NRXN3: variants seen among roughly 807,000 people sequenced by gnomAD.
The protein encoded by NRXN3 is neurexin 3.
Under a neutral mutation model 137.6 loss-of-function variants are expected in NRXN3, and 32 were observed. That is an observed-to-expected ratio of 0.23 (90% CI 0.18 to 0.31). The LOEUF (loss-of-function observed/expected upper bound fraction) is 0.31. NRXN3 is among the 10% of genes least tolerant of loss of function. NRXN3 has a pLI of 1.00. For missense variants in NRXN3, 1,574 were observed against 2,062.5 expected (o/e 0.76, Z 4.59); for synonymous variants, 798 against 784.5 (o/e 1.02, Z -0.29).
chr14:79,399,722 C>T (rs957204359), intron 15 of NRXN3, among the ~76,000 whole-genome samples: 4 of 152,194 alleles, frequency 2.6e-5, no homozygotes, highest in African/African-American at 4.8e-5. Context: ...TGACCACTTA[C>T]ATTAATTTGC....
chr14:79,630,346 G>A, intron 16 of NRXN3, among the ~76,000 whole-genome samples: 1 of 152,152 alleles, frequency 6.6e-6, no homozygotes, highest in East Asian at 1.9e-4. Flanking sequence ...AAGCTCTAAG[G>A]TTTGGTAACC....
chr14:79,008,281 G>A (rs1361840841), intron 15 of NRXN3, among the ~76,000 whole-genome samples: 1 of 152,104 alleles, frequency 6.6e-6, no homozygotes, highest in Admixed American at 6.5e-5. Flanking sequence ...AAAATTTCAA[G>A]CAAACATAAA....
chr14:79,719,402 G>GTATATATATGTGTGTA (rs5741998), intron 19 of NRXN3, among the ~76,000 whole-genome samples: 38,413 of 141,612 alleles, frequency 0.27, 5,315 homozygotes, highest in Middle Eastern at 0.33. Context: ...ATATATGTGT[G>GTATATATATGTGTGTA]TATATATATA....
chr14:79,342,506 T>C (rs1433140496), intron 15 of NRXN3, among the ~76,000 whole-genome samples: 1 of 152,192 alleles, frequency 6.6e-6, no homozygotes, highest in East Asian at 1.9e-4. Flanking sequence ...ACTTTTTTTT[T>C]TTTTCCTTTG....
intron 4 of NRXN3, among the ~76,000 whole-genome samples, chr14:78,364,075 A>G (rs1567370523): frequency 6.6e-6 from 1 of 152,242 alleles, no homozygotes; most frequent in Non-Finnish European, 1.5e-5. Flanking sequence ...CCTTGTCACC[A>G]GTCATACTGC....
chr14:79,337,607 A>G (rs1329409823), intron 15 of NRXN3, among the ~76,000 whole-genome samples: 1 of 152,248 alleles, frequency 6.6e-6, no homozygotes, highest in Non-Finnish European at 1.5e-5. Flanking sequence ...GTGCCTGGAC[A>G]TATAAAAGAG....
At chr14:79,201,339 A>G (rs972311188) in intron 15 of NRXN3, 4 of 152,200 alleles carry the variant, frequency 2.6e-5, no homozygotes, top group African/African-American at 9.6e-5. Flanking sequence ...CTCAATTCAT[A>G]TTTGCATGAA....
At chr14:78,285,068 C>T (rs776675811) in intron 3 of NRXN3, among the ~76,000 whole-genome samples, 9 of 152,216 alleles carry the variant, frequency 5.9e-5, no homozygotes, top group Non-Finnish European at 1.2e-4. Context: ...TGTAACCTCT[C>T]TGGGCAATAG....
At chr14:79,376,254 ATATATATAT>A (rs2153446035) in intron 15 of NRXN3, among the ~76,000 whole-genome samples, 1 of 74,354 alleles carries the variant, frequency 1.3e-5, no homozygotes, top group East Asian at 2.9e-4. Context: ...ATATATATAT[ATATATATAT>A]ATACACATAC....
chr14:78,604,075 G>A (rs1030541817), intron 4 of NRXN3, among the ~76,000 whole-genome samples: 3 of 152,148 alleles, frequency 2.0e-5, no homozygotes, highest in African/African-American at 7.2e-5. Flanking sequence ...CACGGAGGCA[G>A]GCTAGAGAGA....
At chr14:79,699,615 C>T (rs186659593) in intron 19 of NRXN3, among the ~76,000 whole-genome samples, 3 of 151,950 alleles carry the variant, frequency 2.0e-5, no homozygotes, top group Admixed American at 6.6e-5. Context: ...GAACTCTTTC[C>T]GCAAATTAAG....
chr14:78,648,333 T>C (rs2097706942), intron 5 of NRXN3, among the ~76,000 whole-genome samples: 1 of 152,200 alleles, frequency 6.6e-6, no homozygotes, highest in Non-Finnish European at 1.5e-5. Flanking sequence ...AAAACTGAGG[T>C]TACCAGTCTT....
chr14:79,849,013 A>C (rs2099386255), intron 20 of NRXN3, among the ~76,000 whole-genome samples: 1 of 152,046 alleles, frequency 6.6e-6, no homozygotes, highest in African/African-American at 2.4e-5. Flanking sequence ...CAAACTCCAC[A>C]TTTGTCATCA....
intron 15 of NRXN3, among the ~76,000 whole-genome samples, chr14:79,234,595 G>T (rs2073047013): frequency 6.6e-6 from 1 of 151,308 alleles, no homozygotes; most frequent in Non-Finnish European, 1.5e-5. Flanking sequence ...ATGTTGGCCA[G>T]GATGGTCTCA....
chr14:79,196,467 G>A (rs1439707626), intron 15 of NRXN3, among the ~76,000 whole-genome samples: 1 of 152,140 alleles, frequency 6.6e-6, no homozygotes, highest in Non-Finnish European at 1.5e-5. Context: ...TAATGACACT[G>A]ATCCATTCAT....
intron 1 of NRXN3, among the ~76,000 whole-genome samples, chr14:78,199,851 C>T (rs1223338025): frequency 6.6e-6 from 1 of 152,170 alleles, no homozygotes; most frequent in Non-Finnish European, 1.5e-5. Flanking sequence ...TCCAACCTGC[C>T]GTGAGCCAGG....
At chr14:78,912,540 G>T (rs563828316) in intron 10 of NRXN3, among the ~76,000 whole-genome samples, 12 of 152,040 alleles carry the variant, frequency 7.9e-5, no homozygotes, top group African/African-American at 2.9e-4. Context: ...ATTGTCCTTT[G>T]CTAAAAGCTG....
intron 2 of NRXN3, among the ~76,000 whole-genome samples, chr14:78,253,105 C>T (rs1338470949): frequency 6.6e-6 from 1 of 152,140 alleles, no homozygotes; most frequent in Non-Finnish European, 1.5e-5. Context: ...ACAAATCCTC[C>T]CACAGTATGT....
At chr14:78,778,395 T>A (rs138238500) in intron 8 of NRXN3, among the ~76,000 whole-genome samples, 1 of 152,204 alleles carries the variant, frequency 6.6e-6, no homozygotes, top group Non-Finnish European at 1.5e-5. Flanking sequence ...ATCAGATAAA[T>A]ACTGCTTCCT....
Sources: allele counts gnomAD v4.1 joint callset (sites outside exome capture counted in the v4.1 genomes callset), GRCh38; gene constraint gnomAD v4.1.1; transcripts MANE v1.5; gene names NCBI Gene and HGNC (gene_info 2026-07-23, HGNC 2026-07-21).